SGIP1: variants seen among roughly 807,000 people sequenced by gnomAD.
SGIP1 encodes SH3GL interacting endocytic adaptor 1, also known as SH3-containing GRB2-like protein 3-interacting protein 1.
SGIP1 carries 38 observed loss-of-function variants against 107.5 expected under a neutral mutation model. That is an observed-to-expected ratio of 0.35 (90% confidence interval 0.27 to 0.46). The LOEUF (loss-of-function observed/expected upper bound fraction) is 0.46, where lower values mean the gene tolerates loss of function less well. Ranked by LOEUF, SGIP1 falls within the 20% of genes least tolerant of loss-of-function variation. SGIP1 has a pLI of 1.00. For missense variants in SGIP1, 929 were observed against 1,019.5 expected, an observed-to-expected ratio of 0.91 and a Z score of 1.21; for synonymous variants, 365 against 366.1, an observed-to-expected ratio of 1.00 and a Z score of 0.03.
intron 22 of SGIP1, among the ~76,000 whole-genome samples, chr1:66,739,742 T>C (rs992070728): frequency 1.3e-5 from 2 of 152,192 alleles, no homozygotes; most frequent in Admixed American, 6.5e-5. Flanking sequence ...GTGGAAGTGC[T>C]AAAGGAACAG....
At chr1:66,673,517 CAGA>C in intron 12 of SGIP1, 151 bp downstream of exon 12, 1 of 671,134 alleles carries the variant, frequency 1.5e-6, no homozygotes, top group East Asian at 3.2e-5. Flanking sequence ...CTGTCAAGAA[CAGA>C]AGTTTAGTTT....
Position 66,739,446 on chromosome 1 carries a change from A to G in SGIP1, c.2143A>G (p.Thr715Ala). Reference protein sequence around the residue: ...IDYKYNTDAMTTAVALNNVQF... With the variant: ...IDYKYNTDAMATAVALNNVQF... ...TTACAAATATAATACAGATGCAATGACGACTGCTGTGGCCCTCAACAATGT... is the reference window on the plus strand; with the variant it reads ...TTACAAATATAATACAGATGCAATGGCGACTGCTGTGGCCCTCAACAATGT... Residue 715 changes from threonine to alanine, a missense_variant, in exon 22 of 25, where the codon ACG becomes GCG. This residue lies in a region of SGIP1 where 341 missense variants were observed against 430.9 expected (regional missense o/e 0.79). Coordinates refer to ENST00000371037, the MANE Select transcript of SGIP1 (RefSeq NM_032291.4). 6.2e-7 allele frequency: 1 copy of G among 1,614,212 alleles called. No individual in the cohort carries two copies. The highest frequency in any genetic ancestry group is 2.2e-5 in the East Asian group (1 of 44,874).
chr1:66,728,945 G>A (rs1272350077), intron 19 of SGIP1, among the ~76,000 whole-genome samples: 2 of 151,940 alleles, frequency 1.3e-5, no homozygotes, highest in African/African-American at 4.8e-5. Flanking sequence ...AGAAACTAGG[G>A]CCTGCTTGAG....
chr1:66,605,746 G>A (rs1157549814), intron 1 of SGIP1, among the ~76,000 whole-genome samples: 1 of 152,020 alleles, frequency 6.6e-6, no homozygotes, highest in Non-Finnish European at 1.5e-5. Flanking sequence ...GGCTAATTTG[G>A]TGTCTGAGGG....
chr1:66,591,017 A>G (rs1174990381), intron 1 of SGIP1, among the ~76,000 whole-genome samples: 1 of 152,212 alleles, frequency 6.6e-6, no homozygotes, highest in Non-Finnish European at 1.5e-5. Context: ...TTAGTGATCA[A>G]TGTAAATTTT....
intron 1 of SGIP1, among the ~76,000 whole-genome samples, chr1:66,559,817 GT>G (rs1356273995): frequency 6.6e-6 from 1 of 152,082 alleles, no homozygotes; most frequent in Non-Finnish European, 1.5e-5. Context: ...AGCCGGGGGG[GT>G]GGATGACTGG....
At chr1:66,695,552 C>T in intron 18 of SGIP1, 59 bp downstream of exon 18, 2 of 1,537,708 alleles carry the variant, frequency 1.3e-6, no homozygotes, top group East Asian at 2.3e-5. Context: ...CTTATTTCCC[C>T]ATTTGCATTT....
Position 66,682,298 on chromosome 1 carries a change from C to A in SGIP1, c.1244C>A (p.Pro415Gln). The A allele has an allele frequency of 6.2e-7, 1 of 1,614,228 alleles. No individual in the cohort carries two copies. Among genetic ancestry groups the A allele is most frequent in the Non-Finnish European group, 8.5e-7 (1 of 1,180,018 alleles). ...CAAAGAGCAACTCCACCTCCCCCAC[C>A]ACCACCCACCTACAGGACTGTGGTT... The part of the protein sequence containing the change: ...LGQRATPPPP[P>Q]PPTYRTVVSS... The change falls in exon 15 of 25, where the codon CCA (proline) becomes CAA (glutamine). Residue 415 changes from proline to glutamine, a missense_variant. Transcript: ENST00000371037.
intron 14 of SGIP1, 114 bp from the exon 15 acceptor site, chr1:66,681,755 T>C: frequency 5.9e-6 from 6 of 1,016,972 alleles, no homozygotes; most frequent in Non-Finnish European, 7.3e-6. Flanking sequence ...TCATGAAGTA[T>C]GCCCACTGAG....
At chr1:66,724,055 A>G (rs2093653285) in intron 19 of SGIP1, among the ~76,000 whole-genome samples, 1 of 152,352 alleles carries the variant, frequency 6.6e-6, no homozygotes, top group Admixed American at 6.5e-5. Flanking sequence ...GAGAAGCTAC[A>G]TCTACACAGA....
intron 1 of SGIP1, among the ~76,000 whole-genome samples, chr1:66,550,335 C>T (rs371493212): frequency 9.9e-5 from 15 of 152,236 alleles, no homozygotes; most frequent in African/African-American, 3.6e-4. Flanking sequence ...GGCAATAGCC[C>T]TGAATCACCT....
intron 8 of SGIP1, among the ~76,000 whole-genome samples, chr1:66,664,884 T>C (rs1165749656): frequency 6.6e-6 from 1 of 152,194 alleles, no homozygotes. Flanking sequence ...TAGAGATTGT[T>C]GGAATAAATT....
intron 8 of SGIP1, 74 bp downstream of exon 8, chr1:66,660,598 A>G: frequency 7.5e-7 from 1 of 1,341,296 alleles, no homozygotes; most frequent in Non-Finnish European, 1.1e-6. Flanking sequence ...TGCATATCTA[A>G]TGACTGACTG....
Position 66,596,771 on chromosome 1 carries a change from G to C in SGIP1, c.11-29076G>C, listed in dbSNP as rs184246440. Among the ~76,000 whole-genome samples, 7 of 152,048 alleles carry C rather than the reference G, an allele frequency of 4.6e-5. No individual in the cohort carries two copies. In the East Asian group the frequency reaches 1.4e-3, roughly 30 times the overall value. On this transcript the variant is annotated intron_variant, in intron 1 of 24. Coordinates refer to ENST00000371037, the MANE Select transcript of SGIP1 (RefSeq NM_032291.4). Reference sequence around the variant, plus strand: ...GAATAGGAAATTGGGTGAAGGGTATGTGGGGTCTATTATTTCTTACAACTA... The same window carrying C: ...GAATAGGAAATTGGGTGAAGGGTATCTGGGGTCTATTATTTCTTACAACTA...
chr1:66,731,373 A>G (rs920970009), intron 20 of SGIP1, among the ~76,000 whole-genome samples: 1 of 152,148 alleles, frequency 6.6e-6, no homozygotes, highest in Non-Finnish European at 1.5e-5. Context: ...CTTTTGTTGC[A>G]TTGCATTTTT....
Position 66,739,534 on chromosome 1 carries a change from T to G in SGIP1, c.2231T>G (p.Val744Gly), listed in dbSNP as rs769451819. 6 of 1,613,592 alleles carry G rather than the reference T, an allele frequency of 3.7e-6. No individual in the cohort carries two copies. The highest frequency in any genetic ancestry group is 3.4e-6 in the Non-Finnish European group (4 of 1,179,996). ...TKLQAVLPPAVWNAEQQRILW... is the reference protein window; with the variant it reads ...TKLQAVLPPAGWNAEQQRILW... ...CTCCAGGCAGTGCTCCCACCAGCAG[T>G]CTGGTATGAAGCCTCCTATTCTCTC... Residue 744 changes from valine to glycine, a missense_variant, in exon 22 of 25, where the codon GTC (valine) becomes GGC (glycine). Val to Gly is a moderately radical substitution (Grantham distance 109). This residue lies in a region of SGIP1 where 341 missense variants were observed against 430.9 expected (regional missense o/e 0.79). Transcript: ENST00000371037.
At chr1:66,577,379 T>C (rs1383573526) in intron 1 of SGIP1, among the ~76,000 whole-genome samples, 1 of 152,168 alleles carries the variant, frequency 6.6e-6, no homozygotes, top group Non-Finnish European at 1.5e-5. Flanking sequence ...AGACTGACCC[T>C]GAACAATTTC....
chr1:66,665,060 G>T (rs901384124), intron 8 of SGIP1, among the ~76,000 whole-genome samples: 1 of 152,110 alleles, frequency 6.6e-6, no homozygotes, highest in Non-Finnish European at 1.5e-5. Flanking sequence ...GTGCCATGTT[G>T]GTTGCTGCAC....
chr1:66,581,904 T>G (rs1180443084), intron 1 of SGIP1, among the ~76,000 whole-genome samples: 2 of 152,146 alleles, frequency 1.3e-5, no homozygotes, highest in Admixed American at 1.3e-4. Context: ...AAATTGTTAC[T>G]GTTTATTTTC....
Sources: gnomAD v4.1 joint callset for allele counts (sites outside exome capture counted in the v4.1 genomes callset) on GRCh38, gnomAD v4.1.1 for gene constraint, gnomAD v4.1.1 regional missense constraint, MANE v1.5 for transcripts, NCBI Gene and HGNC (gene_info 2026-07-23, HGNC 2026-07-21) for gene names.